The following FER variants were observed in gnomAD, a reference collection of about 807,000 sequenced individuals.
FER encodes tyrosine-protein kinase Fer.
FER carries 63 observed loss-of-function variants against 111.0 expected under a neutral mutation model. The ratio of observed to expected loss-of-function variants is 0.57; its 90% CI spans 0.46 to 0.70. The LOEUF is 0.70. Ranked by LOEUF, FER falls within the 30% of genes least tolerant of loss-of-function variation. The pLI, the probability that FER is intolerant of heterozygous loss-of-function variation, is 0.00. For missense variants in FER, 914 were observed against 954.0 expected, an observed-to-expected ratio of 0.96 and a Z score of 0.55; for synonymous variants, 327 against 313.9, an observed-to-expected ratio of 1.04 and a Z score of -0.44.
intron 8 of FER, among the ~76,000 whole-genome samples, chr5:108,877,131 G>A (rs1432164025): frequency 1.3e-5 from 2 of 152,058 alleles, no homozygotes; most frequent in Non-Finnish European, 2.9e-5. Flanking sequence ...ATTTAATGGG[G>A]TGTCAAATAC....
intron 17 of FER, among the ~76,000 whole-genome samples, chr5:109,137,024 AGTGCT>A (rs1038164207): frequency 1.3e-5 from 2 of 152,196 alleles, no homozygotes; most frequent in Non-Finnish European, 2.9e-5. Flanking sequence ...TGTATAAACT[AGTGCT>A]GTGCGTTAAA....
intron 16 of FER, among the ~76,000 whole-genome samples, chr5:109,056,194 A>G (rs1002761284): frequency 6.6e-6 from 1 of 152,230 alleles, no homozygotes; most frequent in African/African-American, 2.4e-5. Flanking sequence ...TAGAGCTACC[A>G]TGTACCTCAG....
Position 109,188,645 on chromosome 5 carries a change from CATA to C in FER, c.*1077_*1079del, listed in dbSNP as rs1223796721. The C allele has an allele frequency of 6.6e-6, 1 of 152,090 alleles. No homozygotes were observed. The highest frequency in any genetic ancestry group is 6.5e-5 in the Admixed American group (1 of 15,268). The allele number at this position is 152,090 out of a possible 1,614,324, so 9.4% of individuals were successfully genotyped here. A position where few individuals can be genotyped will look rare whatever the true frequency, so the allele number is the denominator to read the frequency against. On this transcript the variant is annotated 3_prime_UTR_variant, in exon 20 of 20. Transcript: ENST00000281092. ...ATTCACATATTCTATTCTAAAAACA[CATA>C]ATAATACATATTCTATTTTATGGTC...
chr5:108,824,820 C>T (rs924359503), intron 3 of FER, among the ~76,000 whole-genome samples: 9 of 152,124 alleles, frequency 5.9e-5, no homozygotes, highest in African/African-American at 2.2e-4. Flanking sequence ...CCGATAATCA[C>T]GTAGGTTCTT....
At chr5:108,973,521 T>C (rs1760950665) in intron 13 of FER, among the ~76,000 whole-genome samples, 1 of 152,164 alleles carries the variant, frequency 6.6e-6, no homozygotes, top group Non-Finnish European at 1.5e-5. Context: ...TGTAACAATT[T>C]GTATATATTA....
intron 5 of FER, among the ~76,000 whole-genome samples, 162 bp from the exon 6 acceptor site, chr5:108,867,605 C>T (rs1764196596): frequency 1.3e-5 from 2 of 152,004 alleles, no homozygotes; most frequent in African/African-American, 2.4e-5. Context: ...TCTAACAGTA[C>T]CTTGCATAAA....
At chr5:109,139,583 T>C (rs1468722636) in intron 17 of FER, among the ~76,000 whole-genome samples, 1 of 152,100 alleles carries the variant, frequency 6.6e-6, no homozygotes, top group Non-Finnish European at 1.5e-5. Flanking sequence ...TTTTCAGATG[T>C]CAGGACTGGT....
intron 17 of FER, among the ~76,000 whole-genome samples, chr5:109,156,815 C>T (rs61316186): frequency 0.033 from 4,994 of 151,948 alleles, 297 homozygotes; most frequent in African/African-American, 0.11. Flanking sequence ...GTAACCACAA[C>T]GAAGCTAGAG....
intron 10 of FER, chr5:108,924,482 T>C (rs1753474248): frequency 1.6e-6 from 1 of 609,782 alleles, no homozygotes; most frequent in African/African-American, 1.9e-5. Flanking sequence ...GTTGGCTGTA[T>C]CTGTTCCTTT....
At chr5:108,941,864 T>C (rs1309290753) in intron 10 of FER, among the ~76,000 whole-genome samples, 2 of 152,300 alleles carry the variant, frequency 1.3e-5, no homozygotes, top group Admixed American at 6.5e-5. Context: ...GTTAAACATT[T>C]GTCCAAACCC....
intron 16 of FER, among the ~76,000 whole-genome samples, chr5:109,062,672 C>A (rs10491333): frequency 0.1 from 15,280 of 152,072 alleles, 822 homozygotes; most frequent in Non-Finnish European, 0.13. Context: ...AGCACCTTAA[C>A]CTCCAAGTAC....
chr5:109,043,868 G>A (rs542415319), intron 14 of FER, among the ~76,000 whole-genome samples: 33 of 152,152 alleles, frequency 2.2e-4, no homozygotes, highest in African/African-American at 7.7e-4. Context: ...CTACTCGGGA[G>A]GCTGAGACAG....
chr5:108,791,147 G>T (rs1041273348), intron 2 of FER, among the ~76,000 whole-genome samples: 1 of 152,050 alleles, frequency 6.6e-6, no homozygotes, highest in Non-Finnish European at 1.5e-5. Flanking sequence ...TTTTCATTTT[G>T]GTCGGGTATA....
chr5:109,184,346 A>G (rs1758623641), intron 18 of FER, among the ~76,000 whole-genome samples: 1 of 152,170 alleles, frequency 6.6e-6, no homozygotes, highest in Non-Finnish European at 1.5e-5. Flanking sequence ...GAACAATAGG[A>G]CCTTTTCCCT....
At chr5:108,826,726 G>A (rs1448621529) in intron 3 of FER, among the ~76,000 whole-genome samples, 2 of 152,232 alleles carry the variant, frequency 1.3e-5, no homozygotes, top group Admixed American at 1.3e-4. Flanking sequence ...TCAAACAAAG[G>A]TCTGGGCTTT....
intron 14 of FER, among the ~76,000 whole-genome samples, chr5:109,041,894 G>T (rs960631656): frequency 6.6e-6 from 1 of 152,104 alleles, no homozygotes; most frequent in African/African-American, 2.4e-5. Context: ...TATCTGCAGG[G>T]CATTAGTAGG....
At chr5:108,763,529 T>G (rs1034871618) in intron 1 of FER, among the ~76,000 whole-genome samples, 3 of 152,166 alleles carry the variant, frequency 2.0e-5, no homozygotes, top group African/African-American at 7.2e-5. Flanking sequence ...GATTACTTAT[T>G]AAACACATCG....
chr5:109,105,396 G>T (rs562546846), intron 17 of FER, among the ~76,000 whole-genome samples: 1 of 152,030 alleles, frequency 6.6e-6, no homozygotes, highest in Admixed American at 6.6e-5. Flanking sequence ...TGATTACCTA[G>T]TGTCTGAGCT....
At chr5:109,146,463 A>G (rs1007165587) in intron 17 of FER, among the ~76,000 whole-genome samples, 2 of 151,082 alleles carry the variant, frequency 1.3e-5, no homozygotes, top group Admixed American at 6.6e-5. Context: ...ATTATTAACT[A>G]CTAATCTTTT....
Sources: gnomAD v4.1 joint callset for allele counts (sites outside exome capture counted in the v4.1 genomes callset) on GRCh38, gnomAD v4.1.1 for gene constraint, MANE v1.5 for transcripts, NCBI Gene and HGNC (gene_info 2026-07-23, HGNC 2026-07-21) for gene names.